The following TRHDE variants were observed in gnomAD, a reference collection of about 807,000 sequenced individuals.
The protein encoded by TRHDE is thyrotropin-releasing hormone-degrading ectoenzyme.
TRHDE carries 72 observed loss-of-function variants against 125.7 expected under a neutral mutation model. That is an observed-to-expected ratio of 0.57 (90% CI 0.47 to 0.70). The LOEUF (loss-of-function observed/expected upper bound fraction) is 0.70. Ranked by LOEUF, TRHDE falls within the 30% of genes least tolerant of loss-of-function variation. TRHDE has a pLI of 0.00. For synonymous variants in TRHDE, 509 were observed against 509.1 expected, an observed-to-expected ratio of 1.00 and a Z score of 0.00; for missense variants, 1,110 against 1,327.1, an observed-to-expected ratio of 0.84 and a Z score of 2.54.
intron 5 of TRHDE, among the ~76,000 whole-genome samples, chr12:72,494,538 G>A (rs979001840): frequency 1.3e-5 from 2 of 151,754 alleles, no homozygotes; most frequent in Admixed American, 1.3e-4. Context: ...GCCTTGTATT[G>A]CTCTTCCTTA....
At chr12:72,090,865 T>A (rs1166317414) in intron 1 of TRHDE, among the ~76,000 whole-genome samples, 1 of 151,972 alleles carries the variant, frequency 6.6e-6, no homozygotes, top group Non-Finnish European at 1.5e-5. Context: ...TTGGATTTTT[T>A]TTTTTTTAAG....
chr12:72,318,122 C>G (rs759006603), intron 2 of TRHDE, among the ~76,000 whole-genome samples: 1 of 152,110 alleles, frequency 6.6e-6, no homozygotes, highest in Non-Finnish European at 1.5e-5. Flanking sequence ...GTTGGATTTA[C>G]TATGTGCTTC....
At chr12:72,241,982 G>A (rs1369484344) in intron 2 of TRHDE, among the ~76,000 whole-genome samples, 1 of 152,056 alleles carries the variant, frequency 6.6e-6, no homozygotes, top group East Asian at 1.9e-4. Context: ...CAAGTCTCTT[G>A]CCCATTTTTA....
At chr12:72,514,903 T>C (rs1410673527) in intron 6 of TRHDE, among the ~76,000 whole-genome samples, 30 of 148,686 alleles carry the variant, frequency 2.0e-4, no homozygotes, top group African/African-American at 7.4e-4. Flanking sequence ...TTTTTTGTTC[T>C]TGCGATAGTT....
intron 2 of TRHDE, among the ~76,000 whole-genome samples, chr12:72,212,119 A>G (rs1172111137): frequency 1.3e-5 from 2 of 152,148 alleles, no homozygotes; most frequent in Non-Finnish European, 2.9e-5. Flanking sequence ...AAATAGAATT[A>G]TGAATGTATT....
At chr12:72,380,730 C>CCTTCCTTCCTTG (rs1872111143) in intron 3 of TRHDE, among the ~76,000 whole-genome samples, 1 of 99,844 alleles carries the variant, frequency 1.0e-5, no homozygotes, top group African/African-American at 6.2e-5. Context: ...TTCCTTCCTT[C>CCTTCCTTCCTTG]CTTGCTTCCT....
intron 2 of TRHDE, among the ~76,000 whole-genome samples, chr12:72,259,546 A>G (rs1452605374): frequency 6.6e-6 from 1 of 152,182 alleles, no homozygotes; most frequent in African/African-American, 2.4e-5. Flanking sequence ...GGTCCCTTCA[A>G]TGGATACATA....
At chr12:72,245,235 T>TTGTG (rs760361021) in intron 2 of TRHDE, among the ~76,000 whole-genome samples, 61 of 142,058 alleles carry the variant, frequency 4.3e-4, no homozygotes, top group African/African-American at 8.6e-4. Context: ...ATATCTATGT[T>TTGTG]TGTGTGTATG....
At chr12:72,640,111 C>A (rs535605480) in intron 15 of TRHDE, among the ~76,000 whole-genome samples, 1 of 152,194 alleles carries the variant, frequency 6.6e-6, no homozygotes, top group Non-Finnish European at 1.5e-5. Context: ...GCCTCGCTGC[C>A]GCCTTGCAGT....
chr12:72,480,618 C>G (rs1442158514), intron 5 of TRHDE, among the ~76,000 whole-genome samples: 1 of 152,108 alleles, frequency 6.6e-6, no homozygotes, highest in African/African-American at 2.4e-5. Flanking sequence ...TCAAAACCAA[C>G]CAGTAACTTT....
intron 2 of TRHDE, among the ~76,000 whole-genome samples, chr12:72,345,058 G>A (rs1870254354): frequency 1.3e-5 from 2 of 152,082 alleles, no homozygotes; most frequent in Non-Finnish European, 2.9e-5. Context: ...ATGAGCAAGT[G>A]AAAGTGAAAC....
At chr12:72,645,165 T>C (rs1172220113) in intron 15 of TRHDE, among the ~76,000 whole-genome samples, 2 of 152,086 alleles carry the variant, frequency 1.3e-5, no homozygotes, top group Non-Finnish European at 2.9e-5. Context: ...ATGAAACATA[T>C]GATTTACCTG....
At chr12:72,411,225 T>G (rs1400855361) in intron 3 of TRHDE, among the ~76,000 whole-genome samples, 1 of 142,324 alleles carries the variant, frequency 7.0e-6, no homozygotes, top group Non-Finnish European at 1.5e-5. Context: ...AAAAAAACCA[T>G]ACAAAATTGC....
chr12:72,539,728 T>C (rs1869048999), intron 6 of TRHDE, among the ~76,000 whole-genome samples: 1 of 151,940 alleles, frequency 6.6e-6, no homozygotes, highest in South Asian at 2.1e-4. Flanking sequence ...TTGTGGAATA[T>C]TCTCTATGAA....
chr12:72,141,403 G>A (rs189175746), intron 2 of TRHDE, among the ~76,000 whole-genome samples: 1 of 152,308 alleles, frequency 6.6e-6, no homozygotes, highest in East Asian at 1.9e-4. Context: ...TAACCACAGA[G>A]AAAGACTTTT....
At chr12:72,409,989 G>A (rs988738152) in intron 3 of TRHDE, among the ~76,000 whole-genome samples, 9 of 151,904 alleles carry the variant, frequency 5.9e-5, no homozygotes, top group African/African-American at 1.9e-4. Context: ...AAGCCAAAAA[G>A]TCGATTTTCT....
chr12:72,541,971 T>C (rs909223939), intron 6 of TRHDE, among the ~76,000 whole-genome samples: 5 of 151,470 alleles, frequency 3.3e-5, no homozygotes, highest in Non-Finnish European at 7.4e-5. Context: ...AAAAGAATCA[T>C]GTTTTATTAA....
chr12:72,203,398 G>A (rs1020292432), intron 2 of TRHDE, among the ~76,000 whole-genome samples: 1 of 152,192 alleles, frequency 6.6e-6, no homozygotes, highest in Non-Finnish European at 1.5e-5. Flanking sequence ...AGCCCAGGAG[G>A]CGGAGCTTGC....
intron 5 of TRHDE, among the ~76,000 whole-genome samples, chr12:72,490,711 A>G (rs1436383033): frequency 6.6e-6 from 1 of 151,360 alleles, no homozygotes; most frequent in Admixed American, 6.6e-5. Context: ...TAAGCTAGAC[A>G]CAGAAAGAAC....
Sources: allele counts gnomAD v4.1 joint callset (sites outside exome capture counted in the v4.1 genomes callset), GRCh38; gene constraint gnomAD v4.1.1; transcripts MANE v1.5; gene names NCBI Gene and HGNC (gene_info 2026-07-23, HGNC 2026-07-21).